TTBK2: variants seen among roughly 807,000 people sequenced by gnomAD.
TTBK2 encodes the protein tau tubulin kinase 2.
A neutral mutation model predicts 110.8 loss-of-function variants in TTBK2; 28 were observed. The observed-to-expected ratio is 0.25, with a 90% CI of 0.19 to 0.35. The LOEUF (loss-of-function observed/expected upper bound fraction) is 0.35. Ranked by LOEUF, TTBK2 falls within the 10% of genes least tolerant of loss-of-function variation. The probability of loss-of-function intolerance (pLI) is 1.00; values close to 1 mark genes in which losing one functional copy is unlikely to be tolerated. For missense variants in TTBK2, 1,369 were observed against 1,500.3 expected (o/e 0.91, Z 1.45); for synonymous variants, 532 against 527.3 (o/e 1.01, Z -0.12).
intron 2 of TTBK2, among the ~76,000 whole-genome samples, chr15:42,873,347 T>A (rs903129256): frequency 6.6e-6 from 1 of 152,130 alleles, no homozygotes; most frequent in East Asian, 1.9e-4. Context: ...GGCAGGAGAA[T>A]TGCTTGAACC....
chr15:42,818,876 T>C (rs747702940), intron 6 of TTBK2, among the ~76,000 whole-genome samples: 1 of 142,140 alleles, frequency 7.0e-6, no homozygotes, highest in Non-Finnish European at 1.6e-5. Context: ...TGAGCCAAGA[T>C]TGAGCCACTG....
intron 1 of TTBK2, among the ~76,000 whole-genome samples, chr15:42,883,392 A>C (rs1454559290): frequency 2.0e-5 from 3 of 151,838 alleles, no homozygotes. Flanking sequence ...AAAAAAAAAA[A>C]AAAAGTAGAA....
chr15:42,796,430 T>G (rs910207906), intron 9 of TTBK2, among the ~76,000 whole-genome samples: 2 of 151,946 alleles, frequency 1.3e-5, no homozygotes, highest in African/African-American at 4.8e-5. Flanking sequence ...GAGATATTAT[T>G]TAAAGCCATA....
intron 9 of TTBK2, chr15:42,800,843 G>A (rs564963907): frequency 8.6e-6 from 5 of 580,422 alleles, no homozygotes; most frequent in South Asian, 2.1e-5. Context: ...ACTCCCTCGC[G>A]GATGGGCTGA....
intron 9 of TTBK2, among the ~76,000 whole-genome samples, chr15:42,806,152 C>A (rs908941434): frequency 6.6e-6 from 1 of 152,126 alleles, no homozygotes; most frequent in African/African-American, 2.4e-5. Flanking sequence ...GTGGTCCCAG[C>A]TACTTGGAAG....
intron 9 of TTBK2, chr15:42,801,516 G>C (rs774645811): frequency 2.6e-6 from 2 of 767,784 alleles, no homozygotes; most frequent in Non-Finnish European, 4.8e-6. Context: ...GCACACCACA[G>C]GTCATCCCCA....
intron 9 of TTBK2, among the ~76,000 whole-genome samples, chr15:42,808,639 C>T (rs901239934): frequency 1.3e-5 from 2 of 151,420 alleles, no homozygotes; most frequent in African/African-American, 4.9e-5. Flanking sequence ...TGCTTGAGGC[C>T]AGTTTGAGAC....
intron 13 of TTBK2, among the ~76,000 whole-genome samples, chr15:42,761,896 C>T (rs1297943595): frequency 2.0e-5 from 3 of 152,172 alleles, no homozygotes; most frequent in Non-Finnish European, 4.4e-5. Flanking sequence ...CTTGAATTCC[C>T]ACATGTTGTG....
intron 3 of TTBK2, among the ~76,000 whole-genome samples, chr15:42,849,620 A>G (rs1304046767): frequency 2.0e-5 from 3 of 152,172 alleles, no homozygotes; most frequent in Non-Finnish European, 4.4e-5. Context: ...GTAATTGACC[A>G]AGTTGAGTTC....
chr15:42,802,485 A>AC, intron 9 of TTBK2: 1 of 587,462 alleles, frequency 1.7e-6, no homozygotes, highest in Admixed American at 2.5e-5. Context: ...CACAGTCTTT[A>AC]CTTCTCTGCT....
At chr15:42,780,360 T>A (rs961432682) in intron 11 of TTBK2, among the ~76,000 whole-genome samples, 10 of 149,428 alleles carry the variant, frequency 6.7e-5, no homozygotes, top group African/African-American at 1.7e-4. Context: ...TTTTTTTTTT[T>A]AAAAGAAAGA....
intron 9 of TTBK2, chr15:42,800,303 T>A: frequency 2.3e-6 from 1 of 440,500 alleles, no homozygotes; most frequent in South Asian, 1.7e-5. Context: ...ACATAGATGC[T>A]TGGTGCAAGC....
chr15:42,815,011 G>A (rs906315354), intron 7 of TTBK2, among the ~76,000 whole-genome samples: 2 of 152,092 alleles, frequency 1.3e-5, no homozygotes, highest in Non-Finnish European at 2.9e-5. Context: ...TTTTGAAAAT[G>A]CTTATGTAGC....
intron 4 of TTBK2, among the ~76,000 whole-genome samples, chr15:42,834,067 T>C (rs1329812058): frequency 6.6e-6 from 1 of 151,432 alleles, no homozygotes; most frequent in African/African-American, 2.4e-5. Context: ...TAGCAGACAC[T>C]TGTAGTCCCA....
intron 11 of TTBK2, 51 bp downstream of exon 11, chr15:42,783,368 G>T: frequency 6.3e-7 from 1 of 1,576,714 alleles, no homozygotes; most frequent in Non-Finnish European, 8.7e-7. Flanking sequence ...GGACTTCCCA[G>T]CCTTCTGAAC....
chr15:42,897,855 CA>C (rs1895728241), intron 1 of TTBK2, among the ~76,000 whole-genome samples: 1 of 151,730 alleles, frequency 6.6e-6, no homozygotes, highest in Non-Finnish European at 1.5e-5. Flanking sequence ...CACACACACA[CA>C]CACACACACG....
intron 13 of TTBK2, among the ~76,000 whole-genome samples, chr15:42,769,056 A>G (rs1024529105): frequency 2.6e-5 from 4 of 152,240 alleles, no homozygotes; most frequent in Admixed American, 1.3e-4. Flanking sequence ...CTGGCTAGCC[A>G]TATGTAGAAA....
At chr15:42,891,909 G>A (rs1038626661) in intron 1 of TTBK2, among the ~76,000 whole-genome samples, 6 of 152,110 alleles carry the variant, frequency 3.9e-5, no homozygotes, top group African/African-American at 9.7e-5. Flanking sequence ...TTAACTTGAC[G>A]CAATTAGTGA....
chr15:42,816,745 C>A (rs1264802606), intron 7 of TTBK2, among the ~76,000 whole-genome samples: 1 of 151,960 alleles, frequency 6.6e-6, no homozygotes, highest in Non-Finnish European at 1.5e-5. Flanking sequence ...TGGTGAAACA[C>A]TTTCTCTACT....
Sources: gnomAD v4.1 joint callset for allele counts (sites outside exome capture counted in the v4.1 genomes callset) on GRCh38, gnomAD v4.1.1 for gene constraint, MANE v1.5 for transcripts, NCBI Gene and HGNC (gene_info 2026-07-23, HGNC 2026-07-21) for gene names.